ALMS1: variants seen among roughly 807,000 people sequenced by gnomAD.
ALMS1 encodes the protein centrosome-associated protein ALMS1.
Under a neutral mutation model 352.2 loss-of-function variants are expected in ALMS1, and 271 were observed. That is an observed-to-expected ratio of 0.77 (90% CI 0.70 to 0.85). The LOEUF (loss-of-function observed/expected upper bound fraction) is 0.85. Among genes scored for constraint, ALMS1 ranks in the 40% least tolerant of loss-of-function variants. The pLI, the probability that ALMS1 is intolerant of heterozygous loss-of-function variation, is 0.00. For synonymous variants in ALMS1, 1,865 were observed against 1,761.2 expected (o/e 1.06, Z -1.48); for missense variants, 5,445 against 4,870.7 (o/e 1.12, Z -3.51).
intron 9 of ALMS1, among the ~76,000 whole-genome samples, chr2:73,460,675 G>C (rs1672172577): frequency 6.6e-6 from 1 of 152,250 alleles, no homozygotes; most frequent in Admixed American, 6.5e-5. Context: ...GGGTCAGGGA[G>C]TTCCCTTTCC....
At chr2:73,498,504 T>C (rs1673154524) in intron 10 of ALMS1, among the ~76,000 whole-genome samples, 1 of 142,510 alleles carries the variant, frequency 7.0e-6, no homozygotes, top group Non-Finnish European at 1.5e-5. Flanking sequence ...TATTCATTCT[T>C]TCTATTTTGT....
At chr2:73,496,009 T>G (rs940307993) in intron 10 of ALMS1, among the ~76,000 whole-genome samples, 1 of 152,228 alleles carries the variant, frequency 6.6e-6, no homozygotes, top group Non-Finnish European at 1.5e-5. Flanking sequence ...TAAAGTTTCT[T>G]AAGTCAGCAT....
At chr2:73,501,733 A>G (rs1469517570) in intron 10 of ALMS1, among the ~76,000 whole-genome samples, 2 of 151,930 alleles carry the variant, frequency 1.3e-5, no homozygotes, top group East Asian at 3.9e-4. Flanking sequence ...ATGTCCTCCA[A>G]CCTTGTTTTT....
rs761165541 is a variant in ALMS1, at chr2:73,557,263, A to G, written c.10122A>G (p.Ser3374=). The G allele has an allele frequency of 3.7e-6, 6 of 1,614,056 alleles. No individual in the cohort carries two copies. The highest frequency in any genetic ancestry group is 1.6e-4 in the Middle Eastern group (1 of 6,084). Residue 3374 remains serine, a synonymous_variant, in exon 14 of 23, where the codon TCA becomes TCG. Transcript: ENST00000613296. ...TAATCACTGGGGATGAGAACCTCTC[A>G]GACAAAAAACAGCAAGAGATTCACA... is the stretch of plus-strand genomic sequence containing the variant. The part of the protein sequence containing the change: ...QVLITGDENL[S]DKKQQEIHST...
At chr2:73,505,744 C>T (rs927777013) in intron 10 of ALMS1, among the ~76,000 whole-genome samples, 2 of 152,084 alleles carry the variant, frequency 1.3e-5, no homozygotes, top group African/African-American at 4.8e-5. Context: ...TGGAGGTTGC[C>T]TGTTTACTCT....
chr2:73,389,127 G>A (rs1343282570), intron 1 of ALMS1, among the ~76,000 whole-genome samples: 1 of 152,050 alleles, frequency 6.6e-6, no homozygotes, highest in Non-Finnish European at 1.5e-5. Context: ...TTTAATAATA[G>A]CCATTCTGAC....
At position 73,451,294 on chromosome 2, in the gene ALMS1, T is replaced by C. The variant is rs1378957627; in HGVS notation, c.4767T>C (p.His1589=). The change falls in exon 8 of 23, where the codon CAT becomes CAC. Residue 1589 remains histidine, a synonymous_variant. Coordinates refer to ENST00000613296, the MANE Select transcript of ALMS1 (RefSeq NM_001378454.1). ...ACAAACAGGCCTTTCCAGATGGTCA[T>C]CTACCTGAAGAGGCTCTGAAAGTTT... ...VNYKQAFPDG[H]LPEEALKVSI... 2.5e-6 allele frequency: 4 copies of C among 1,614,074 alleles called. No individual in the cohort carries two copies. In the East Asian group the frequency reaches 8.9e-5, roughly 36 times the overall value.
intron 12 of ALMS1, among the ~76,000 whole-genome samples, chr2:73,536,300 G>A (rs942463010): frequency 6.6e-6 from 1 of 152,128 alleles, no homozygotes; most frequent in Non-Finnish European, 1.5e-5. Flanking sequence ...ATCGATATAC[G>A]TCACTAACAC....
chr2:73,490,289 A>G lies in ALMS1; in HGVS notation c.8330A>G (p.His2777Arg). The change falls in exon 10 of 23, where the codon CAT becomes CGT. Residue 2777 changes from histidine (H) to arginine (R), a missense_variant. His to Arg is a conservative substitution (Grantham distance 29, BLOSUM62 0). Transcript: ENST00000613296. Reference protein sequence around the residue: ...KTSSPSSFKMHSNSQDKEVTI... With the variant: ...KTSSPSSFKMRSNSQDKEVTI... ...TCTTCCCCTTCATCATTTAAAATGC[A>G]TAGTAATTCACAAGATAAAGAAGTG... The G allele has an allele frequency of 1.2e-6, 2 of 1,613,352 alleles. No individual in the cohort carries two copies. Among genetic ancestry groups the G allele is most frequent in the Non-Finnish European group, 1.7e-6 (2 of 1,179,738 alleles).
At chr2:73,474,371 C>CTGTGTGTGTG (rs377039331) in intron 9 of ALMS1, among the ~76,000 whole-genome samples, 1,084 of 95,484 alleles carry the variant, frequency 0.011, 40 homozygotes, top group Admixed American at 0.1. Context: ...CTTGTTGACT[C>CTGTGTGTGTG]TGTGTGTGTG....
chr2:73,390,444 A>G (rs1670621713), intron 1 of ALMS1, among the ~76,000 whole-genome samples: 1 of 152,246 alleles, frequency 6.6e-6, no homozygotes, highest in South Asian at 2.1e-4. Context: ...TCACTAGATA[A>G]TAAGGGAGTT....
At position 73,557,481 on chromosome 2, in the gene ALMS1, C is replaced by T. The variant is rs552109194; in HGVS notation, c.10213+127C>T. 77 of 1,223,132 alleles carry T rather than the reference C, an allele frequency of 6.3e-5. 1 individual carries two copies. In the South Asian group the frequency reaches 9.9e-4, roughly 16 times the overall value. 75.8% of individuals were successfully genotyped at this position (1,223,132 alleles called of 1,614,324 possible). A position where few individuals can be genotyped will look rare whatever the true frequency, so the allele number is the denominator to read the frequency against. On this transcript the variant is annotated intron_variant, in intron 14 of 22. Transcript: ENST00000613296. The stretch of plus-strand genomic sequence containing the variant: ...TGCTGTCTTCAGCTCTCTTCTATCT[C>T]ATGTATATATGAAATAGTTAAGGTA...
intron 13 of ALMS1, among the ~76,000 whole-genome samples, chr2:73,555,094 C>G (rs995140725): frequency 9.9e-5 from 15 of 152,138 alleles, no homozygotes; most frequent in Admixed American, 6.5e-5. Flanking sequence ...AAATGCATTG[C>G]TACTCAGAAT....
intron 11 of ALMS1, among the ~76,000 whole-genome samples, chr2:73,532,416 G>T (rs1390544236): frequency 6.6e-6 from 1 of 152,194 alleles, no homozygotes; most frequent in South Asian, 2.1e-4. Context: ...GCTTTATTCT[G>T]CTGTGGCTGA....
intron 15 of ALMS1, among the ~76,000 whole-genome samples, chr2:73,562,823 G>C (rs1264323549): frequency 6.6e-6 from 1 of 151,870 alleles, no homozygotes; most frequent in Non-Finnish European, 1.5e-5. Flanking sequence ...GGAGACAGAG[G>C]TTGCAGTGAG....
chr2:73,419,076 G>C (rs374998797), intron 2 of ALMS1, 47 bp from the exon 3 acceptor site: 1 of 1,464,326 alleles, frequency 6.8e-7, no homozygotes, highest in Non-Finnish European at 9.6e-7. Flanking sequence ...AATATGTATG[G>C]TAACTCAGTT....
intron 9 of ALMS1, among the ~76,000 whole-genome samples, chr2:73,486,051 G>T (rs1426242282): frequency 6.6e-6 from 1 of 151,996 alleles, no homozygotes; most frequent in African/African-American, 2.4e-5. Flanking sequence ...CTCACGCTGG[G>T]AGCTGTAGAC....
chr2:73,559,083 A>C lies in ALMS1; in HGVS notation c.10325A>C (p.Lys3442Thr), dbSNP rs1393871695. 32 of 1,614,054 alleles carry C rather than the reference A, an allele frequency of 2.0e-5. No individual in the cohort carries two copies. Among genetic ancestry groups the C allele is most frequent in the Non-Finnish European group, 2.6e-5 (31 of 1,179,962 alleles). The change falls in exon 15 of 23, where the codon AAG (lysine) becomes ACG (threonine). Residue 3442 changes from lysine to threonine, a missense_variant. Coordinates refer to ENST00000613296, the MANE Select transcript of ALMS1 (RefSeq NM_001378454.1). ...ITQKEEIHRK[K>T]TVPEEAWPNN... ...CAGAAAGAGGAGATCCATAGGAAGA[A>C]GACAGTTCCCGAGGAAGCCTGGCCA...
intron 9 of ALMS1, among the ~76,000 whole-genome samples, chr2:73,473,899 C>T (rs1207925517): frequency 6.8e-6 from 1 of 147,900 alleles, no homozygotes; most frequent in African/African-American, 2.5e-5. Flanking sequence ...CCAACATATG[C>T]ATTATGGGAT....
Sources: gnomAD v4.1 joint callset for allele counts (sites outside exome capture counted in the v4.1 genomes callset) on GRCh38, gnomAD v4.1.1 for gene constraint, MANE v1.5 for transcripts, NCBI Gene and HGNC (gene_info 2026-07-23, HGNC 2026-07-21) for gene names.